Variants in FNTB observed in about 807,000 individuals in gnomAD.
FNTB encodes farnesyltransferase, CAAX box, subunit beta.
FNTB carries 27 observed loss-of-function variants against 59.4 expected under a neutral mutation model. The observed-to-expected ratio is 0.45, with a 90% CI of 0.34 to 0.63. The LOEUF is 0.63. Among genes scored for constraint, FNTB ranks in the 20% least tolerant of loss-of-function variants. The pLI is 0.02. For synonymous variants in FNTB, 230 were observed against 220.7 expected (o/e 1.04, Z -0.37); for missense variants, 449 against 559.6 (o/e 0.80, Z 1.99).
intron 11 of FNTB, among the ~76,000 whole-genome samples, chr14:65,055,990 T>C (rs1310622304): frequency 2.6e-5 from 4 of 152,190 alleles, no homozygotes; most frequent in Admixed American, 2.6e-4. Context: ...TTCCAGTTTT[T>C]TTTCCTCCCT....
rs969442324 is a variant in FNTB at position 65,001,849 on chromosome 14, C to T, written c.145-2400C>T. Among the ~76,000 whole-genome samples, 1 of 152,174 alleles carries T rather than the reference C, an allele frequency of 6.6e-6. No homozygotes were observed. Among genetic ancestry groups the T allele is most frequent in the African/African-American group, 2.4e-5 (1 of 41,438 alleles). On this transcript the variant is annotated intron_variant, in intron 1 of 11. Transcript: ENST00000246166. The surrounding 1 kb of genome is among the most constrained non-coding windows in gnomAD (Gnocchi z 5.5). ...TGATTCTGGGACAACTTTCTTATTC[C>T]TCCCAAGTCGGATTCTCATGGTGAC... is the stretch of plus-strand genomic sequence containing the variant.
chr14:64,989,507 A>G (rs2140032639), intron 1 of FNTB, among the ~76,000 whole-genome samples: 1 of 151,684 alleles, frequency 6.6e-6, no homozygotes, highest in Admixed American at 6.6e-5. Context: ...CCCTGTGTCT[A>G]TTTAAGATGA....
rs898171364 is a variant in FNTB, at chr14:65,035,107, T to G, written c.692+2411T>G. 2.6e-5 allele frequency among the ~76,000 whole-genome samples: 4 copies of G among 152,360 alleles called. No individual in the cohort carries two copies. The East Asian group carries it at 7.7e-4, about 29-fold the overall frequency. On this transcript the variant is annotated intron_variant, in intron 7 of 11. Transcript: ENST00000246166. The stretch of plus-strand genomic sequence containing the variant: ...ATTTTTCTTCTTTGACTTTCCTGTT[T>G]CTGGATTCGTCCTCAGTTTCTGGCA...
chr14:65,025,094 T>TC lies in FNTB; in HGVS notation c.375-2358dup, dbSNP rs1305425299. On this transcript the variant is annotated intron_variant, in intron 4 of 11. Coordinates refer to ENST00000246166, the MANE Select transcript of FNTB (RefSeq NM_002028.4). ...CAGAATGTTCTGTAATACGGAAGTG[T>TC]CTGAGATCAAGAGAAGCCCAACCTC... Among the ~76,000 whole-genome samples the TC allele has an allele frequency of 9.2e-5, 14 of 152,286 alleles. No homozygotes were observed. The South Asian group carries it at 1.7e-3, about 18-fold the overall frequency.
chr14:64,988,110 G>C (rs1888024939), intron 1 of FNTB, among the ~76,000 whole-genome samples: 1 of 152,210 alleles, frequency 6.6e-6, no homozygotes, highest in Non-Finnish European at 1.5e-5. Flanking sequence ...TTATTGTACA[G>C]TTATGACTAA....
chr14:65,002,162 A>G (rs1391635969), intron 1 of FNTB, among the ~76,000 whole-genome samples: 1 of 151,928 alleles, frequency 6.6e-6, no homozygotes, highest in Non-Finnish European at 1.5e-5. Flanking sequence ...AAAAAAAAAC[A>G]TGTCTCACTA....
chr14:65,010,486 G>A (rs891477763), intron 2 of FNTB, among the ~76,000 whole-genome samples: 1 of 152,148 alleles, frequency 6.6e-6, no homozygotes, highest in Non-Finnish European at 1.5e-5. Flanking sequence ...AGCTGATCAC[G>A]GGTCACACAC....
intron 9 of FNTB, among the ~76,000 whole-genome samples, chr14:65,046,529 A>C (rs2062482596): frequency 6.6e-6 from 1 of 152,164 alleles, no homozygotes; most frequent in Non-Finnish European, 1.5e-5. Flanking sequence ...GTGGCATTCA[A>C]AGCTTTGTCT....
rs1888616478 is a variant in FNTB, at chr14:65,001,953, C to T, written c.145-2296C>T. ...TCATGTTCAAAAGCAAATATCAAAG[C>T]GTATTCTAAAACCAGATGTAAATTA... On this transcript the variant is annotated intron_variant, in intron 1 of 11. Transcript: ENST00000246166. This position sits in a 1 kb window ranked among gnomAD's most constrained non-coding sequence, Gnocchi z 5.5. Among the ~76,000 whole-genome samples, 1 of 152,168 alleles carries T rather than the reference C, an allele frequency of 6.6e-6. No individual in the cohort carries two copies. The highest frequency in any genetic ancestry group is 2.4e-5 in the African/African-American group (1 of 41,434).
intron 7 of FNTB, among the ~76,000 whole-genome samples, chr14:65,034,302 G>A (rs777091604): frequency 2.6e-5 from 4 of 152,250 alleles, no homozygotes; most frequent in African/African-American, 4.8e-5. Flanking sequence ...TCTCTCCTTC[G>A]TTGAAGTCCC....
At chr14:65,060,217 C>T (rs992386300) in intron 11 of FNTB, among the ~76,000 whole-genome samples, 2 of 148,808 alleles carry the variant, frequency 1.3e-5, no homozygotes, top group African/African-American at 4.9e-5. Context: ...AAATGAAAAA[C>T]AATCATATCA....
rs66817747 is a variant in FNTB at position 65,030,806 on chromosome 14, C to A, written c.606-1804C>A. Among the ~76,000 whole-genome samples, 47,393 of 151,238 alleles carry A rather than the reference C, an allele frequency of 0.31. 8,702 individuals carry two copies. The highest frequency in any genetic ancestry group is 0.5 in the African/African-American group (20,612 of 41,260). On this transcript the variant is annotated intron_variant, in intron 6 of 11. Coordinates refer to ENST00000246166, the MANE Select transcript of FNTB (RefSeq NM_002028.4). This position sits in a 1 kb window ranked among gnomAD's most constrained non-coding sequence, Gnocchi z 4.5. ...TTTCTTAGGAGCCCTTAGGAATATACTTTTTGTTTGTTTTGTTTTGAGATG... is the reference window on the plus strand; with the variant it reads ...TTTCTTAGGAGCCCTTAGGAATATAATTTTTGTTTGTTTTGTTTTGAGATG...
intron 4 of FNTB, among the ~76,000 whole-genome samples, chr14:65,018,570 G>A (rs2139537235): frequency 6.6e-6 from 1 of 152,294 alleles, no homozygotes; most frequent in Middle Eastern, 3.4e-3. Context: ...AGGGCTTGGG[G>A]AGGCCAAGGT....
chr14:65,036,059 C>T (rs1453056479), intron 7 of FNTB, among the ~76,000 whole-genome samples: 1 of 151,954 alleles, frequency 6.6e-6, no homozygotes, highest in East Asian at 1.9e-4. Flanking sequence ...TCTTGAACTC[C>T]TGGTTTCAAG....
At chr14:64,992,374 T>C (rs1336187303) in intron 1 of FNTB, among the ~76,000 whole-genome samples, 1 of 152,250 alleles carries the variant, frequency 6.6e-6, no homozygotes, top group African/African-American at 2.4e-5. Context: ...TCACCTACTT[T>C]ATAAAGTAAC....
At chr14:65,013,657 C>G (rs2061720065) in intron 3 of FNTB, among the ~76,000 whole-genome samples, 1 of 152,202 alleles carries the variant, frequency 6.6e-6, no homozygotes, top group Non-Finnish European at 1.5e-5. Flanking sequence ...AAGCGATTCT[C>G]TTGCCTCAGC....
At chr14:65,050,998 A>C (rs956675214) in intron 9 of FNTB, among the ~76,000 whole-genome samples, 20 of 152,256 alleles carry the variant, frequency 1.3e-4, no homozygotes, top group African/African-American at 4.8e-4. Flanking sequence ...CTTCTACAAC[A>C]AAGTTCACTG....
At position 65,009,890 on chromosome 14, in the gene FNTB, CAT is replaced by C. The variant is rs1031463184; in HGVS notation, c.210-2426_210-2425del. Among the ~76,000 whole-genome samples the C allele has an allele frequency of 6.6e-5, 10 of 152,172 alleles. No homozygotes were observed. On this transcript the variant is annotated intron_variant, in intron 2 of 11. Transcript: ENST00000246166. The surrounding 1 kb of genome is among the most constrained non-coding windows in gnomAD (Gnocchi z 4.2). Reference sequence around the variant, plus strand: ...GACAGGGCTCTGCTTGTCATTTTCACATGTGTGTCCACCTCTGGACTGTCGCT... The same window carrying C: ...GACAGGGCTCTGCTTGTCATTTTCACGTGTGTCCACCTCTGGACTGTCGCT...
chr14:65,040,717 A>G lies in FNTB; in HGVS notation c.693-73A>G, dbSNP rs952413566. ...AATCTGAGTGAACTTTTTCTCTGCC[A>G]CCTAGGATGGTCCTGGTCTTGTGTA... is the stretch of plus-strand genomic sequence containing the variant. On this transcript the variant is annotated intron_variant, in intron 7 of 11. Coordinates refer to ENST00000246166, the MANE Select transcript of FNTB (RefSeq NM_002028.4). The G allele has an allele frequency of 2.0e-6, 3 of 1,503,434 alleles. No individual in the cohort carries two copies. In the African/African-American group the frequency reaches 4.2e-5, roughly 21 times the overall value. 93.1% of individuals were successfully genotyped at this position (1,503,434 alleles called of 1,614,324 possible).
Sources: allele counts gnomAD v4.1 joint callset (sites outside exome capture counted in the v4.1 genomes callset), GRCh38; gene constraint gnomAD v4.1.1; non-coding constraint Gnocchi (gnomAD v3.1); transcripts MANE v1.5; gene names NCBI Gene and HGNC (gene_info 2026-07-23, HGNC 2026-07-21).